GNG2: variants seen among roughly 807,000 people sequenced by gnomAD.
GNG2 encodes guanine nucleotide-binding protein G(I)/G(S)/G(O) subunit gamma-2.
GNG2 carries 5 observed loss-of-function variants against 5.5 expected under a neutral mutation model. The observed-to-expected ratio is 0.91, with a 90% CI of 0.48 to 1.92. The LOEUF is 1.92. GNG2 is among the 30% of genes most tolerant of loss of function. The probability of loss-of-function intolerance (pLI) is 0.01; values close to 1 mark genes in which losing one functional copy is unlikely to be tolerated. For synonymous variants in GNG2, 28 were observed against 32.0 expected (o/e 0.88, Z 0.42); for missense variants, 55 against 88.4 (o/e 0.62, Z 1.52).
chr14:51,934,930 A>G (rs185258916), intron 2 of GNG2, among the ~76,000 whole-genome samples: 136 of 149,150 alleles, frequency 9.1e-4, no homozygotes, highest in Non-Finnish European at 1.6e-3. Context: ...TTCACACACT[A>G]ATCAGGGAGC....
At chr14:51,923,042 G>A (rs1212860329) in intron 2 of GNG2, among the ~76,000 whole-genome samples, 1 of 152,140 alleles carries the variant, frequency 6.6e-6, no homozygotes, top group East Asian at 1.9e-4. Flanking sequence ...TTTCTTTATG[G>A]TTTCCCACGT....
chr14:51,837,906 C>T (rs544505120), intron 2 of GNG2, among the ~76,000 whole-genome samples: 11 of 152,094 alleles, frequency 7.2e-5, no homozygotes, highest in East Asian at 1.9e-4. Context: ...TGCTCTTTGA[C>T]GAGAATTATT....
At chr14:51,879,324 C>A (rs1417148074) in intron 2 of GNG2, among the ~76,000 whole-genome samples, 1 of 152,050 alleles carries the variant, frequency 6.6e-6, no homozygotes, top group Non-Finnish European at 1.5e-5. Flanking sequence ...TGGTCTAGGG[C>A]TAAATTTAGT....
At chr14:51,946,416 A>C (rs1303692277) in intron 2 of GNG2, among the ~76,000 whole-genome samples, 1 of 152,260 alleles carries the variant, frequency 6.6e-6, no homozygotes, top group African/African-American at 2.4e-5. Flanking sequence ...ATTCCAATGA[A>C]TATATAGATG....
chr14:51,944,431 C>A (rs1045235831), intron 2 of GNG2, among the ~76,000 whole-genome samples: 7 of 152,186 alleles, frequency 4.6e-5, no homozygotes. Context: ...TTTATGCAGA[C>A]TCCACCTTCA....
chr14:51,876,616 T>A (rs1354911441), intron 1 of GNG2, among the ~76,000 whole-genome samples: 1 of 152,162 alleles, frequency 6.6e-6, no homozygotes, highest in East Asian at 1.9e-4. Context: ...TTGGCTTTTT[T>A]TTTTCTTTTT....
chr14:51,831,324 A>C (rs1451429129), intron 2 of GNG2, among the ~76,000 whole-genome samples: 1 of 152,204 alleles, frequency 6.6e-6, no homozygotes, highest in African/African-American at 2.4e-5. Flanking sequence ...CTCCCCCAGT[A>C]GTATATAATC....
chr14:51,845,177 A>G (rs72678108), intron 2 of GNG2, among the ~76,000 whole-genome samples: 26,167 of 152,232 alleles, frequency 0.17, 2,328 homozygotes, highest in Non-Finnish European at 0.19. Flanking sequence ...CATATGGGCC[A>G]AATCACTTTT....
intron 2 of GNG2, among the ~76,000 whole-genome samples, chr14:51,890,378 G>A (rs1594881882): frequency 6.6e-6 from 1 of 152,084 alleles, no homozygotes; most frequent in East Asian, 1.9e-4. Flanking sequence ...TTGGAGTTTT[G>A]GTGTCATTTA....
intron 2 of GNG2, among the ~76,000 whole-genome samples, chr14:51,912,556 G>A (rs1271168324): frequency 1.3e-5 from 2 of 152,180 alleles, no homozygotes; most frequent in African/African-American, 4.8e-5. Context: ...TCCTCTGTGG[G>A]TGGAGTCCTG....
At chr14:51,931,450 A>G (rs1887653544) in intron 2 of GNG2, among the ~76,000 whole-genome samples, 1 of 152,190 alleles carries the variant, frequency 6.6e-6, no homozygotes, top group Admixed American at 6.5e-5. Context: ...CAGTGGATAT[A>G]TGGGCCTAGA....
At chr14:51,959,139 G>A (rs1889447442) in intron 3 of GNG2, among the ~76,000 whole-genome samples, 1 of 151,962 alleles carries the variant, frequency 6.6e-6, no homozygotes, top group South Asian at 2.1e-4. Flanking sequence ...ACATTCAAGG[G>A]TCCTAGGGTT....
intron 2 of GNG2, among the ~76,000 whole-genome samples, chr14:51,843,212 C>T (rs1881531687): frequency 6.6e-6 from 1 of 152,144 alleles, no homozygotes; most frequent in Admixed American, 6.5e-5. Flanking sequence ...TGCAAATATA[C>T]ACTTGTTGAA....
At chr14:51,839,367 G>C (rs1881422497) in intron 2 of GNG2, among the ~76,000 whole-genome samples, 1 of 152,198 alleles carries the variant, frequency 6.6e-6, no homozygotes, top group Admixed American at 6.5e-5. Flanking sequence ...TTTCTGATTA[G>C]CGTTTACAAA....
At chr14:51,848,139 A>C (rs941295308) in intron 2 of GNG2, among the ~76,000 whole-genome samples, 16 of 151,992 alleles carry the variant, frequency 1.1e-4, no homozygotes, top group Admixed American at 3.3e-4. Flanking sequence ...AGTCAGCAGC[A>C]AATTCTTATA....
upstream of GNG2, among the ~76,000 whole-genome samples, chr14:51,859,745 C>T (rs1035216264): frequency 2.0e-5 from 3 of 152,168 alleles, no homozygotes; most frequent in South Asian, 2.1e-4. Context: ...GTGGGTTCTA[C>T]GATATTACCT....
In GNG2 at chr14:51,860,759, C is replaced by G. The variant is rs1174793126; in HGVS notation, c.-102C>G. 6.6e-6 allele frequency: 1 copy of G among 152,242 alleles called. No individual in the cohort carries two copies. Among genetic ancestry groups the G allele is most frequent in the Non-Finnish European group, 1.5e-5 (1 of 68,062 alleles). 9.4% of individuals were successfully genotyped at this position (152,242 alleles called of 1,614,324 possible). On this transcript the variant is annotated 5_prime_UTR_variant, in exon 1 of 4. Transcript: ENST00000556766. ...AGATCAGCTCCGGAGAGGGGAAAAC[C>G]ACGCTCCTCGGACCAAGCCTCGGGA...
At chr14:51,895,706 G>T (rs1028662827) in intron 2 of GNG2, among the ~76,000 whole-genome samples, 1 of 152,214 alleles carries the variant, frequency 6.6e-6, no homozygotes, top group African/African-American at 2.4e-5. Context: ...CCACTGATAT[G>T]GTTTGGCTAT....
intron 2 of GNG2, among the ~76,000 whole-genome samples, chr14:51,843,975 G>A (rs1277907652): frequency 1.3e-5 from 2 of 152,158 alleles, no homozygotes; most frequent in African/African-American, 2.4e-5. Flanking sequence ...GGTTTCCACC[G>A]TGGCTCTAAA....
Sources: gnomAD v4.1 joint callset for allele counts (sites outside exome capture counted in the v4.1 genomes callset) on GRCh38, gnomAD v4.1.1 for gene constraint, MANE v1.5 for transcripts, NCBI Gene and HGNC (gene_info 2026-07-23, HGNC 2026-07-21) for gene names.